TMEM117: variants seen among roughly 807,000 people sequenced by gnomAD.
The protein encoded by TMEM117 is transmembrane protein 117.
In TMEM117, 27 loss-of-function variants were observed where a neutral mutation model predicts 52.4. That is an observed-to-expected ratio of 0.51 (90% CI 0.38 to 0.71). The LOEUF (loss-of-function observed/expected upper bound fraction) is 0.71. TMEM117 is among the 30% of genes least tolerant of loss of function. The pLI, the probability that TMEM117 is intolerant of heterozygous loss-of-function variation, is 0.00. For synonymous variants in TMEM117, 215 were observed against 206.3 expected (o/e 1.04, Z -0.36); for missense variants, 556 against 630.5 (o/e 0.88, Z 1.26).
intron 2 of TMEM117, among the ~76,000 whole-genome samples, chr12:43,873,992 T>A (rs868139922): frequency 5.3e-5 from 8 of 151,880 alleles, no homozygotes. Context: ...TAATCTGAGC[T>A]GAAAAATCCA....
At chr12:44,015,065 A>G (rs922590373) in intron 3 of TMEM117, among the ~76,000 whole-genome samples, 3 of 152,156 alleles carry the variant, frequency 2.0e-5, no homozygotes, top group Admixed American at 6.6e-5. Context: ...GTAATAATAT[A>G]TAACTCAGAG....
intron 2 of TMEM117, among the ~76,000 whole-genome samples, chr12:43,902,729 T>G (rs1458246450): frequency 2.6e-5 from 4 of 152,186 alleles, no homozygotes; most frequent in Non-Finnish European, 5.9e-5. Flanking sequence ...TATTTAACAC[T>G]TCCATTTAAT....
At chr12:44,225,370 T>G (rs1949847145) in intron 5 of TMEM117, among the ~76,000 whole-genome samples, 1 of 152,170 alleles carries the variant, frequency 6.6e-6, no homozygotes, top group Non-Finnish European at 1.5e-5. Context: ...TACATCTGAA[T>G]TACCGCAGTT....
intron 4 of TMEM117, among the ~76,000 whole-genome samples, chr12:44,201,703 A>G (rs936291169): frequency 4.6e-5 from 7 of 152,170 alleles, no homozygotes; most frequent in Non-Finnish European, 8.8e-5. Context: ...AAAAAATGTG[A>G]CCCAATAATT....
chr12:44,279,225 T>A (rs1458178088), intron 5 of TMEM117, among the ~76,000 whole-genome samples: 2 of 152,222 alleles, frequency 1.3e-5, no homozygotes, highest in African/African-American at 2.4e-5. Context: ...CATTTTAATA[T>A]GCCTGGATGA....
At chr12:43,950,171 G>T (rs1426831036) in intron 3 of TMEM117, among the ~76,000 whole-genome samples, 2 of 152,182 alleles carry the variant, frequency 1.3e-5, no homozygotes, top group Non-Finnish European at 1.5e-5. Flanking sequence ...AAGAAACTGA[G>T]GCAAAATTAA....
At chr12:44,054,622 C>T (rs1423592888) in intron 3 of TMEM117, among the ~76,000 whole-genome samples, 1 of 152,070 alleles carries the variant, frequency 6.6e-6, no homozygotes, top group Non-Finnish European at 1.5e-5. Context: ...ATTTGGAGCA[C>T]AACTTTCCTT....
chr12:44,168,897 T>C (rs1949006759), intron 4 of TMEM117, among the ~76,000 whole-genome samples: 1 of 152,176 alleles, frequency 6.6e-6, no homozygotes, highest in African/African-American at 2.4e-5. Flanking sequence ...GCTAGCATTC[T>C]ACTTTCCATC....
At chr12:44,020,110 G>GA (rs893090737) in intron 3 of TMEM117, among the ~76,000 whole-genome samples, 21 of 152,192 alleles carry the variant, frequency 1.4e-4, no homozygotes, top group African/African-American at 5.1e-4. Flanking sequence ...AACAAACCAG[G>GA]ATTAAAAAAT....
intron 6 of TMEM117, among the ~76,000 whole-genome samples, chr12:44,352,291 G>GT (rs921434933): frequency 5.9e-5 from 9 of 151,426 alleles, no homozygotes; most frequent in Admixed American, 2.0e-4. Flanking sequence ...TTGTTTTTTT[G>GT]TTTTTTTAAA....
intron 3 of TMEM117, among the ~76,000 whole-genome samples, chr12:44,101,080 A>G (rs1055908279): frequency 2.6e-5 from 4 of 151,910 alleles, no homozygotes; most frequent in Admixed American, 6.6e-5. Context: ...TAAAAGGAAA[A>G]GGCAGCTCTC....
At chr12:44,065,180 G>A (rs1947203437) in intron 3 of TMEM117, among the ~76,000 whole-genome samples, 1 of 152,084 alleles carries the variant, frequency 6.6e-6, no homozygotes, top group Non-Finnish European at 1.5e-5. Flanking sequence ...AGGCATTCAA[G>A]ACCAGCTGGC....
chr12:43,900,186 C>T (rs1944280759), intron 2 of TMEM117, among the ~76,000 whole-genome samples: 2 of 152,086 alleles, frequency 1.3e-5, no homozygotes, highest in Non-Finnish European at 2.9e-5. Context: ...AAATAGGGTC[C>T]TTGCATATAG....
intron 2 of TMEM117, among the ~76,000 whole-genome samples, chr12:43,882,786 A>C (rs1943920721): frequency 6.6e-6 from 1 of 152,236 alleles, no homozygotes; most frequent in Admixed American, 6.5e-5. Flanking sequence ...TGAACATAGC[A>C]GCTTATTCGA....
At chr12:44,332,851 CTG>C (rs528363075) in intron 6 of TMEM117, among the ~76,000 whole-genome samples, 2 of 151,772 alleles carry the variant, frequency 1.3e-5, no homozygotes, top group East Asian at 1.9e-4. Flanking sequence ...GTATAATTCT[CTG>C]TGTGTGTGTA....
intron 5 of TMEM117, among the ~76,000 whole-genome samples, chr12:44,229,423 A>C (rs1333747200): frequency 6.6e-6 from 1 of 151,778 alleles, no homozygotes; most frequent in Non-Finnish European, 1.5e-5. Context: ...CCCCACTATG[A>C]CCTCCCATTA....
chr12:44,091,266 C>A (rs935783527), intron 3 of TMEM117, among the ~76,000 whole-genome samples: 4 of 152,112 alleles, frequency 2.6e-5, no homozygotes, highest in Non-Finnish European at 5.9e-5. Flanking sequence ...AATTACCTCC[C>A]CTGGGTCCCT....
At chr12:44,284,581 A>G (rs536918019) in intron 5 of TMEM117, among the ~76,000 whole-genome samples, 3 of 152,300 alleles carry the variant, frequency 2.0e-5, no homozygotes, top group African/African-American at 7.2e-5. Context: ...GGTGCATCCA[A>G]CCTAATTTTG....
chr12:44,282,035 T>G (rs1221940185), intron 5 of TMEM117, among the ~76,000 whole-genome samples: 1 of 152,162 alleles, frequency 6.6e-6, no homozygotes, highest in African/African-American at 2.4e-5. Context: ...TCCCTTGCTA[T>G]TCTCATCACA....
Sources: allele counts gnomAD v4.1 joint callset (sites outside exome capture counted in the v4.1 genomes callset), GRCh38; gene constraint gnomAD v4.1.1; transcripts MANE v1.5; gene names NCBI Gene and HGNC (gene_info 2026-07-23, HGNC 2026-07-21).